The following MYO5B variants were observed in gnomAD, a reference collection of about 807,000 sequenced individuals.
MYO5B encodes myosin VB, also known as unconventional myosin-Vb.
Under a neutral mutation model 229.3 loss-of-function variants are expected in MYO5B, and 143 were observed. The ratio of observed to expected loss-of-function variants is 0.62; its 90% confidence interval spans 0.54 to 0.72. The LOEUF (loss-of-function observed/expected upper bound fraction) is 0.72. Among genes scored for constraint, MYO5B ranks in the 30% least tolerant of loss-of-function variants. The pLI is 0.00. For missense variants in MYO5B, 2,321 were observed against 2,331.0 expected, an observed-to-expected ratio of 1.00 and a Z score of 0.09; for synonymous variants, 918 against 885.2, an observed-to-expected ratio of 1.04 and a Z score of -0.66.
intron 20 of MYO5B, among the ~76,000 whole-genome samples, chr18:49,903,708 A>G (rs1222840965): frequency 6.6e-6 from 1 of 152,210 alleles, no homozygotes; most frequent in African/African-American, 2.4e-5. Flanking sequence ...TCATTTAATG[A>G]AAAAGAAAAC....
rs1242814070 is a variant in MYO5B, at chr18:50,094,581, G to GA, written c.28-39204dup. Among the ~76,000 whole-genome samples the GA allele has an allele frequency of 7.9e-5, 12 of 152,242 alleles. No homozygotes were observed. In the South Asian group the frequency reaches 2.1e-3, roughly 26 times the overall value. On this transcript the variant is annotated intron_variant, in intron 1 of 39. Coordinates refer to ENST00000285039, the MANE Select transcript of MYO5B (RefSeq NM_001080467.3). ...CGAGGAGAAAAATGCAGAAAATGCA[G>GA]AAATGACCCTTGAGCTACACTGCTG...
At chr18:49,987,019 G>A (rs565258384) in intron 7 of MYO5B, among the ~76,000 whole-genome samples, 1 of 152,306 alleles carries the variant, frequency 6.6e-6, no homozygotes, top group African/African-American at 2.4e-5. Flanking sequence ...AGACTCCAAA[G>A]GAGGAGACTA....
At chr18:49,915,969 C>T (rs1255276506) in intron 17 of MYO5B, among the ~76,000 whole-genome samples, 1 of 152,178 alleles carries the variant, frequency 6.6e-6, no homozygotes, top group East Asian at 1.9e-4. Flanking sequence ...TCACAGAGTC[C>T]GAGTCCCCTT....
intron 1 of MYO5B, among the ~76,000 whole-genome samples, chr18:50,142,350 C>T (rs138959119): frequency 1.3e-3 from 197 of 152,272 alleles, no homozygotes; most frequent in African/African-American, 4.4e-3. Flanking sequence ...TTAATCAAAC[C>T]GAATCCCATG....
At chr18:49,839,408 C>A in intron 35 of MYO5B, 114 bp from the exon 36 acceptor site, 1 of 1,163,928 alleles carries the variant, frequency 8.6e-7, no homozygotes, top group Non-Finnish European at 1.3e-6. Context: ...CCTACTCAGG[C>A]CCTCCCTATG....
intron 2 of MYO5B, among the ~76,000 whole-genome samples, chr18:50,043,417 T>A (rs2030104667): frequency 7.4e-4 from 5 of 6,782 alleles, no homozygotes; most frequent in South Asian, 0.015. Context: ...TATTAAATAT[T>A]TAAATATATT....
intron 1 of MYO5B, among the ~76,000 whole-genome samples, chr18:50,176,426 G>A (rs1191457276): frequency 6.6e-6 from 1 of 152,076 alleles, no homozygotes; most frequent in Non-Finnish European, 1.5e-5. Flanking sequence ...GGGGATTTTT[G>A]TTCACTTATG....
At chr18:50,135,080 G>A (rs969658038) in intron 1 of MYO5B, among the ~76,000 whole-genome samples, 5 of 152,230 alleles carry the variant, frequency 3.3e-5, no homozygotes, top group Non-Finnish European at 7.4e-5. Flanking sequence ...TATCAACCGG[G>A]AAATACACAA....
At chr18:50,186,334 T>C (rs1265927270) in intron 1 of MYO5B, among the ~76,000 whole-genome samples, 1 of 152,244 alleles carries the variant, frequency 6.6e-6, no homozygotes, top group African/African-American at 2.4e-5. Flanking sequence ...CTGCATTGTA[T>C]GGATTGTTTC....
At chr18:49,969,694 T>A (rs2025668573) in intron 10 of MYO5B, 2 of 152,284 alleles carry the variant, frequency 1.3e-5, no homozygotes, top group South Asian at 4.1e-4. Context: ...AAAGGCATTT[T>A]TAAACATACC....
At chr18:50,051,610 T>C (rs1340605009) in intron 2 of MYO5B, among the ~76,000 whole-genome samples, 1 of 152,110 alleles carries the variant, frequency 6.6e-6, no homozygotes, top group African/African-American at 2.4e-5. Flanking sequence ...CCTGATCCAC[T>C]CTAAAAACAG....
chr18:49,974,707 C>T (rs2144282229), intron 9 of MYO5B, 92 bp from the exon 10 acceptor site: 3 of 1,486,678 alleles, frequency 2.0e-6, no homozygotes, highest in East Asian at 4.6e-5. Flanking sequence ...AGAGGGAAAA[C>T]AAGCCAAACT....
At chr18:49,982,685 T>A (rs2144296636) in intron 8 of MYO5B, among the ~76,000 whole-genome samples, 1 of 152,322 alleles carries the variant, frequency 6.6e-6, no homozygotes, top group South Asian at 2.1e-4. Context: ...TCTGTTACGT[T>A]CTGTCTATTG....
At chr18:50,141,847 C>T (rs887779497) in intron 1 of MYO5B, among the ~76,000 whole-genome samples, 3 of 152,164 alleles carry the variant, frequency 2.0e-5, no homozygotes, top group African/African-American at 7.2e-5. Flanking sequence ...TGAAGCCCTG[C>T]CCAGTCCCAT....
intron 26 of MYO5B, among the ~76,000 whole-genome samples, chr18:49,875,315 T>C (rs955238503): frequency 3.3e-5 from 5 of 152,142 alleles, no homozygotes; most frequent in Non-Finnish European, 7.4e-5. Flanking sequence ...CCATGCAAGA[T>C]CCCAGGTATG....
intron 15 of MYO5B, 44 bp downstream of exon 15, chr18:49,937,201 C>A: frequency 6.2e-7 from 1 of 1,611,328 alleles, no homozygotes; most frequent in South Asian, 1.1e-5. Context: ...AGAGGCCAGC[C>A]CTGCACATGC....
At chr18:50,082,222 A>G (rs1599007118) in intron 1 of MYO5B, among the ~76,000 whole-genome samples, 1 of 152,208 alleles carries the variant, frequency 6.6e-6, no homozygotes, top group South Asian at 2.1e-4. Flanking sequence ...AGTGCCAGAC[A>G]TAAGTCCTCA....
intron 1 of MYO5B, among the ~76,000 whole-genome samples, chr18:50,101,989 C>T (rs1429491873): frequency 6.6e-5 from 10 of 152,156 alleles, no homozygotes; most frequent in African/African-American, 2.2e-4. Flanking sequence ...ACTCAAATGC[C>T]CATTGATGAT....
chr18:50,062,894 A>C, intron 1 of MYO5B, among the ~76,000 whole-genome samples: 1 of 152,156 alleles, frequency 6.6e-6, no homozygotes, highest in Non-Finnish European at 1.5e-5. Flanking sequence ...TCATCAGGTA[A>C]GAGTCTACAC....
Sources: gnomAD v4.1 joint callset for allele counts (sites outside exome capture counted in the v4.1 genomes callset) on GRCh38, gnomAD v4.1.1 for gene constraint, MANE v1.5 for transcripts, NCBI Gene and HGNC (gene_info 2026-07-23, HGNC 2026-07-21) for gene names.